Variants in CABCOCO1 observed in about 807,000 individuals in gnomAD.
The protein encoded by CABCOCO1 is ciliary-associated calcium-binding coiled-coil protein 1.
In CABCOCO1, 28 loss-of-function variants were observed where a neutral mutation model predicts 35.7. The observed-to-expected ratio is 0.78, with a 90% CI of 0.58 to 1.07. CABCOCO1 has a LOEUF of 1.07. Among genes scored for constraint, CABCOCO1 ranks in the 50% least tolerant of loss-of-function variants. The pLI is 0.00. For missense variants in CABCOCO1, 326 were observed against 309.2 expected (o/e 1.05, Z -0.41); for synonymous variants, 95 against 100.1 (o/e 0.95, Z 0.30).
chr10:61,717,302 C>T (rs1840891199), intron 5 of CABCOCO1, among the ~76,000 whole-genome samples: 1 of 152,094 alleles, frequency 6.6e-6, no homozygotes, highest in Non-Finnish European at 1.5e-5. Flanking sequence ...CTGACTTAAT[C>T]TATTCATTTC....
At chr10:61,696,898 A>G (rs1251590900) in intron 5 of CABCOCO1, among the ~76,000 whole-genome samples, 1 of 152,124 alleles carries the variant, frequency 6.6e-6, no homozygotes, top group African/African-American at 2.4e-5. Context: ...TGAACAGATA[A>G]CATACTTTAC....
intron 2 of CABCOCO1, among the ~76,000 whole-genome samples, chr10:61,676,638 T>C (rs1270871629): frequency 6.6e-6 from 1 of 152,164 alleles, no homozygotes; most frequent in Non-Finnish European, 1.5e-5. Flanking sequence ...TTTAAAAACT[T>C]GTATCATAAA....
intron 3 of CABCOCO1, 101 bp downstream of exon 3, chr10:61,681,413 G>A (rs1353753585): frequency 1.1e-6 from 1 of 876,226 alleles, no homozygotes; most frequent in Admixed American, 3.3e-5. Context: ...TTCCTTTAAT[G>A]AAAAATACGG....
intron 7 of CABCOCO1, among the ~76,000 whole-genome samples, chr10:61,764,799 G>T (rs1256280158): frequency 1.3e-5 from 2 of 151,964 alleles, no homozygotes; most frequent in Non-Finnish European, 2.9e-5. Flanking sequence ...TGATACTTAT[G>T]TGAGTTCTGA....
At chr10:61,688,673 C>A (rs1395611016) in intron 4 of CABCOCO1, among the ~76,000 whole-genome samples, 1 of 152,096 alleles carries the variant, frequency 6.6e-6, no homozygotes, top group African/African-American at 2.4e-5. Flanking sequence ...GAGGCATATA[C>A]CCAAAATAAG....
intron 2 of CABCOCO1, among the ~76,000 whole-genome samples, chr10:61,679,852 T>C (rs1274700597): frequency 6.6e-6 from 1 of 151,570 alleles, no homozygotes; most frequent in Admixed American, 6.6e-5. Context: ...ACAGAAAGCA[T>C]ACAACAGAGA....
intron 3 of CABCOCO1, 112 bp downstream of exon 3, chr10:61,681,424 G>C (rs902205885): frequency 1.2e-5 from 9 of 780,846 alleles, no homozygotes; most frequent in Non-Finnish European, 1.5e-5. Flanking sequence ...AAAAATACGG[G>C]TTTTTCCTGA....
At chr10:61,694,071 G>A (rs539077825) in intron 5 of CABCOCO1, among the ~76,000 whole-genome samples, 17 of 151,894 alleles carry the variant, frequency 1.1e-4, no homozygotes, top group African/African-American at 4.1e-4. Context: ...ACTTGTTAGT[G>A]TATTACTTTA....
chr10:61,762,264 C>A (rs1842023808), intron 7 of CABCOCO1, among the ~76,000 whole-genome samples: 1 of 152,058 alleles, frequency 6.6e-6, no homozygotes, highest in Non-Finnish European at 1.5e-5. Flanking sequence ...AAGCTGTGTT[C>A]CATGCAGTGA....
chr10:61,730,122 G>A (rs377245900), intron 5 of CABCOCO1, among the ~76,000 whole-genome samples: 41 of 151,180 alleles, frequency 2.7e-4, no homozygotes, highest in Admixed American at 1.7e-3. Flanking sequence ...ACAAAACAAT[G>A]AGCACTCTTA....
In CABCOCO1 at chr10:61,755,890, A is replaced by G. The variant is rs151257280; in HGVS notation, c.553-4169A>G. 5.3e-5 allele frequency among the ~76,000 whole-genome samples: 8 copies of G among 152,160 alleles called. No homozygotes were observed. In the East Asian group the frequency reaches 1.4e-3, roughly 26 times the overall value. On this transcript the variant is annotated intron_variant, in intron 5 of 7. Coordinates refer to ENST00000648843, the MANE Select transcript of CABCOCO1 (RefSeq NM_001366906.2). ...TATACCACTTCTCAGACATAGTAAG[A>G]TCTAGAAGCAGAGTCTAATTCCTAT...
chr10:61,741,660 TA>T (rs754873252), intron 5 of CABCOCO1, among the ~76,000 whole-genome samples: 16 of 152,184 alleles, frequency 1.1e-4, no homozygotes, highest in Non-Finnish European at 1.9e-4. Flanking sequence ...AAAGACTGAC[TA>T]ATTTTTCTAT....
At chr10:61,720,124 G>A (rs1181313052) in intron 5 of CABCOCO1, among the ~76,000 whole-genome samples, 1 of 151,892 alleles carries the variant, frequency 6.6e-6, no homozygotes, top group Non-Finnish European at 1.5e-5. Context: ...AGGAAGAAAC[G>A]CAGGATCTGA....
intron 5 of CABCOCO1, chr10:61,701,676 T>G: frequency 1.0e-6 from 1 of 985,262 alleles, no homozygotes; most frequent in Non-Finnish European, 1.2e-6. Flanking sequence ...AGTGTTCTTT[T>G]CAGTCTTTTC....
chr10:61,728,194 T>A (rs190408851), intron 5 of CABCOCO1, among the ~76,000 whole-genome samples: 2 of 152,356 alleles, frequency 1.3e-5, no homozygotes, highest in East Asian at 1.9e-4. Flanking sequence ...TTCTTTTAGA[T>A]CTGTAAGTCT....
intron 1 of CABCOCO1, among the ~76,000 whole-genome samples, chr10:61,671,552 C>G (rs1369647030): frequency 6.6e-6 from 1 of 152,158 alleles, no homozygotes; most frequent in Non-Finnish European, 1.5e-5. Context: ...AGTATCACCA[C>G]CATTTCCTCC....
chr10:61,744,669 C>T (rs1029271814), intron 5 of CABCOCO1, among the ~76,000 whole-genome samples: 1 of 152,112 alleles, frequency 6.6e-6, no homozygotes, highest in Non-Finnish European at 1.5e-5. Context: ...CATATCAGCC[C>T]TCCTCACACT....
chr10:61,662,996 G>GGGGCCGACCCCGGCA lies in CABCOCO1; in HGVS notation c.38_39insAGGGCCGACCCCGGC (p.Pro10_Gly14dup), dbSNP rs151189963. ...CGATGTCGCAGGGGACGACTCCCTG[G>GGGGCCGACCCCGGCA]GGGCCGACCCCGGCGGGAACCACGC... On this transcript the variant is annotated inframe_insertion, in exon 1 of 8. Coordinates refer to ENST00000648843, the MANE Select transcript of CABCOCO1 (RefSeq NM_001366906.2). 320,180 of 321,884 alleles carry GGGGCCGACCCCGGCA rather than the reference G, an allele frequency of 0.99. 159,310 individuals are homozygous for GGGGCCGACCCCGGCA. The highest frequency in any genetic ancestry group is 1 in the Middle Eastern group (2,414 of 2,416). 19.9% of individuals were successfully genotyped at this position (321,884 alleles called of 1,614,324 possible).
chr10:61,701,569 C>G, intron 5 of CABCOCO1: 1 of 899,994 alleles, frequency 1.1e-6, no homozygotes, highest in Non-Finnish European at 1.3e-6. Flanking sequence ...GATGGCAGGA[C>G]TTGGGGGAAT....
Sources: gnomAD v4.1 joint callset for allele counts (sites outside exome capture counted in the v4.1 genomes callset) on GRCh38, gnomAD v4.1.1 for gene constraint, MANE v1.5 for transcripts, NCBI Gene and HGNC (gene_info 2026-07-23, HGNC 2026-07-21) for gene names.